Variants in FOXP2 observed in about 807,000 individuals in gnomAD.
FOXP2 encodes the protein forkhead box P2, also known as forkhead box protein P2.
Under a neutral mutation model 115.8 loss-of-function variants are expected in FOXP2, and 12 were observed. That is an observed-to-expected ratio of 0.10 (90% CI 0.07 to 0.17). The LOEUF (loss-of-function observed/expected upper bound fraction) is 0.17, where lower values mean the gene tolerates loss of function less well. Among genes scored for constraint, FOXP2 ranks in the 10% least tolerant of loss-of-function variants. The probability of loss-of-function intolerance (pLI) is 1.00; values close to 1 mark genes in which losing one functional copy is unlikely to be tolerated. For missense variants in FOXP2, 629 were observed against 843.5 expected, an observed-to-expected ratio of 0.75 and a Z score of 3.15; for synonymous variants, 328 against 297.7, an observed-to-expected ratio of 1.10 and a Z score of -1.05.
At chr7:114,229,622 AT>A (rs1263280694) in intron 1 of FOXP2, among the ~76,000 whole-genome samples, 1 of 151,798 alleles carries the variant, frequency 6.6e-6, no homozygotes, top group Non-Finnish European at 1.5e-5. Flanking sequence ...ATATATGGAA[AT>A]TAAGCAACAT....
At chr7:114,248,704 T>C (rs1226680578) in intron 1 of FOXP2, among the ~76,000 whole-genome samples, 2 of 152,204 alleles carry the variant, frequency 1.3e-5, no homozygotes, top group Non-Finnish European at 2.9e-5. Flanking sequence ...CTGTGTGGGG[T>C]TGACCGTTTA....
chr7:114,652,319 T>A (rs1283549531), intron 9 of FOXP2, 29 bp downstream of exon 9: 1 of 1,594,892 alleles, frequency 6.3e-7, no homozygotes, highest in African/African-American at 1.3e-5. Flanking sequence ...TAATGGACTC[T>A]TCTTAGATTT....
intron 2 of FOXP2, among the ~76,000 whole-genome samples, chr7:114,404,738 C>A (rs1412333483): frequency 6.6e-6 from 1 of 151,954 alleles, no homozygotes; most frequent in Non-Finnish European, 1.5e-5. Flanking sequence ...TGAAGTTAAC[C>A]ACTTTCAAGA....
At chr7:114,310,382 G>A (rs1797119922) in intron 2 of FOXP2, among the ~76,000 whole-genome samples, 1 of 152,182 alleles carries the variant, frequency 6.6e-6, no homozygotes, top group South Asian at 2.1e-4. Context: ...AGCCTATCAA[G>A]GCCCTTCCTA....
intron 1 of FOXP2, among the ~76,000 whole-genome samples, chr7:114,148,320 A>G (rs1792434570): frequency 6.6e-6 from 1 of 152,132 alleles, no homozygotes; most frequent in Non-Finnish European, 1.5e-5. Context: ...ACTCTGCAAC[A>G]TGTAACATGA....
intron 1 of FOXP2, among the ~76,000 whole-genome samples, chr7:114,108,047 A>C (rs1332784717): frequency 1.3e-5 from 2 of 151,970 alleles, no homozygotes; most frequent in African/African-American, 4.8e-5. Flanking sequence ...GTGATGTAAC[A>C]AAAGTTAGTT....
chr7:114,117,903 G>A (rs948103022), intron 1 of FOXP2, among the ~76,000 whole-genome samples: 2 of 152,076 alleles, frequency 1.3e-5, no homozygotes, highest in African/African-American at 4.8e-5. Context: ...GAAGAGTAGA[G>A]CACAGAAAGC....
At chr7:114,610,904 G>A (rs929261405) in intron 3 of FOXP2, among the ~76,000 whole-genome samples, 2 of 151,956 alleles carry the variant, frequency 1.3e-5, no homozygotes, top group Admixed American at 1.3e-4. Flanking sequence ...CAAGTTGCTG[G>A]GATTATAAGC....
chr7:114,638,440 G>A (rs755060944), intron 6 of FOXP2, among the ~76,000 whole-genome samples: 3 of 152,022 alleles, frequency 2.0e-5, no homozygotes, highest in Non-Finnish European at 4.4e-5. Context: ...TTATATTACT[G>A]CCTCAAGAAT....
At chr7:114,298,252 C>T (rs1250259763) in intron 2 of FOXP2, among the ~76,000 whole-genome samples, 2 of 152,170 alleles carry the variant, frequency 1.3e-5, no homozygotes, top group Non-Finnish European at 2.9e-5. Context: ...TAAGTCATTT[C>T]CTGTGCTCAC....
At chr7:114,435,698 C>T (rs920514896) in intron 2 of FOXP2, among the ~76,000 whole-genome samples, 8 of 152,076 alleles carry the variant, frequency 5.3e-5, no homozygotes, top group Admixed American at 6.6e-5. Flanking sequence ...CCACCATACC[C>T]GGCTAATTTT....
intron 1 of FOXP2, among the ~76,000 whole-genome samples, chr7:114,104,567 T>G (rs1450667746): frequency 1.3e-5 from 2 of 152,068 alleles, no homozygotes; most frequent in Admixed American, 6.6e-5. Flanking sequence ...TAGTCTTTAT[T>G]TCCTTAAAGA....
intron 2 of FOXP2, among the ~76,000 whole-genome samples, chr7:114,320,131 C>A (rs945968360): frequency 6.6e-6 from 1 of 152,198 alleles, no homozygotes; most frequent in Non-Finnish European, 1.5e-5. Flanking sequence ...TTTCCCAGCA[C>A]TCTGCTCCCT....
At chr7:114,353,334 C>CTTTTTTTTTTTTTTTTTTTTT (rs138925770) in intron 2 of FOXP2, among the ~76,000 whole-genome samples, 1 of 64,114 alleles carries the variant, frequency 1.6e-5, no homozygotes, top group Non-Finnish European at 2.8e-5. Flanking sequence ...ATAGGAGCCT[C>CTTTTTTTTTTTTTTTTTTTTT]TTTTTTTTTT....
chr7:114,433,151 G>C (rs1794188247), intron 2 of FOXP2, among the ~76,000 whole-genome samples: 1 of 151,946 alleles, frequency 6.6e-6, no homozygotes, highest in African/African-American at 2.4e-5. Flanking sequence ...TAAAAGAAAA[G>C]ATTGTTTAAT....
chr7:114,378,679 G>A (rs1792200499), intron 2 of FOXP2, among the ~76,000 whole-genome samples: 2 of 936 alleles, frequency 2.1e-3, no homozygotes, highest in Non-Finnish European at 0.024. Flanking sequence ...GTAAGACCCT[G>A]TCTCCAAAAA....
intron 2 of FOXP2, among the ~76,000 whole-genome samples, chr7:114,429,923 A>C (rs1794029252): frequency 2.0e-5 from 3 of 151,698 alleles, no homozygotes; most frequent in African/African-American, 7.2e-5. Context: ...TGTACTTTTT[A>C]TAATTTTATT....
intron 2 of FOXP2, among the ~76,000 whole-genome samples, chr7:114,458,699 T>G (rs1293313512): frequency 1.3e-5 from 2 of 151,934 alleles, no homozygotes; most frequent in Non-Finnish European, 2.9e-5. Context: ...CACACGCAGC[T>G]GGTTCTTGAC....
intron 2 of FOXP2, among the ~76,000 whole-genome samples, chr7:114,457,805 G>A (rs1335014448): frequency 6.6e-6 from 1 of 152,004 alleles, no homozygotes; most frequent in Non-Finnish European, 1.5e-5. Context: ...GGCTGAGGCA[G>A]GAGACTGGCG....
Sources: gnomAD v4.1 joint callset for allele counts (sites outside exome capture counted in the v4.1 genomes callset) on GRCh38, gnomAD v4.1.1 for gene constraint, MANE v1.5 for transcripts, NCBI Gene and HGNC (gene_info 2026-07-23, HGNC 2026-07-21) for gene names.